Variants in DYRK4 observed in about 807,000 individuals in gnomAD.
DYRK4 encodes dual specificity tyrosine phosphorylation regulated kinase 4.
A neutral mutation model predicts 68.3 loss-of-function variants in DYRK4; 64 were observed. The ratio of observed to expected loss-of-function variants is 0.94; its 90% CI spans 0.77 to 1.15. The LOEUF is 1.15. Ranked by LOEUF, DYRK4 falls within the 50% of genes most tolerant of loss-of-function variation. DYRK4 has a pLI of 0.00. For synonymous variants in DYRK4, 274 were observed against 289.9 expected, an observed-to-expected ratio of 0.95 and a Z score of 0.56; for missense variants, 740 against 764.7, an observed-to-expected ratio of 0.97 and a Z score of 0.38.
intron 2 of DYRK4, among the ~76,000 whole-genome samples, chr12:4,575,322 T>TGTGTGTGTGTGTGTGTGTG (rs71061193): frequency 1.5e-4 from 22 of 151,720 alleles, no homozygotes; most frequent in Non-Finnish European, 2.2e-4. Flanking sequence ...TGTGTGTGTG[T>TGTGTGTGTGTGTGTGTGTG]TTTCGAAACG....
chr12:4,588,155 C>T (rs1039257241), intron 2 of DYRK4, among the ~76,000 whole-genome samples: 1 of 152,114 alleles, frequency 6.6e-6, no homozygotes, highest in African/African-American at 2.4e-5. Flanking sequence ...GAAATCTTGG[C>T]CTCAAGTGAT....
At chr12:4,564,845 T>A (rs1944660882) in intron 1 of DYRK4, among the ~76,000 whole-genome samples, 1 of 152,190 alleles carries the variant, frequency 6.6e-6, no homozygotes, top group South Asian at 2.1e-4. Flanking sequence ...AGGATCACCA[T>A]CTATGTCTCC....
At chr12:4,603,167 G>A (rs962567233) in intron 10 of DYRK4, 23 of 1,301,668 alleles carry the variant, frequency 1.8e-5, no homozygotes, top group South Asian at 4.8e-5. Flanking sequence ...ACTCGGTACC[G>A]AAATGAAGTC....
Position 4,596,632 on chromosome 12 carries a change from C to G in DYRK4, c.808C>G (p.Leu270Val). The G allele has an allele frequency of 1.9e-6, 3 of 1,614,118 alleles. No individual in the cohort carries two copies. The highest frequency in any genetic ancestry group is 2.5e-6 in the Non-Finnish European group (3 of 1,180,018). The part of the protein sequence containing the change: ...ALMELKILEA[L>V]RKKDKDNTYN... ...GATGGAGCTGAAGATCCTGGAAGCTCTCAGAAAGAAGGACAAAGACAACAC... is the reference window on the plus strand; with the variant it reads ...GATGGAGCTGAAGATCCTGGAAGCTGTCAGAAAGAAGGACAAAGACAACAC... Residue 270 changes from leucine to valine, a missense_variant, in exon 8 of 15, where the codon CTC (leucine) becomes GTC (valine). Transcript: ENST00000543431.
intron 11 of DYRK4, 53 bp downstream of exon 11, chr12:4,605,139 A>G (rs981984887): frequency 2.4e-5 from 37 of 1,551,078 alleles, no homozygotes; most frequent in Non-Finnish European, 3.3e-5. Flanking sequence ...CTTGGCCCTC[A>G]GACACGGGGC....
chr12:4,599,491 C>T (rs1565540261), intron 9 of DYRK4: 1 of 573,482 alleles, frequency 1.7e-6, no homozygotes, highest in South Asian at 2.2e-5. Flanking sequence ...AGAAACTGTG[C>T]AAAGCAGTGA....
intron 8 of DYRK4, 190 bp downstream of exon 8, chr12:4,596,919 T>C: frequency 7.0e-7 from 1 of 1,434,076 alleles, no homozygotes; most frequent in Non-Finnish European, 9.1e-7. Context: ...TTGGTATGCC[T>C]GTCACCTGCC....
At chr12:4,612,373 AGTT>A (rs1945232257) in intron 13 of DYRK4, 167 bp from the exon 14 acceptor site, 7 of 610,578 alleles carry the variant, frequency 1.1e-5, no homozygotes, top group Non-Finnish European at 1.9e-5. Context: ...TATTTCCATT[AGTT>A]GTTTCCAGGT....
intron 1 of DYRK4, among the ~76,000 whole-genome samples, chr12:4,566,374 C>A (rs1170268551): frequency 6.6e-6 from 1 of 152,176 alleles, no homozygotes; most frequent in Non-Finnish European, 1.5e-5. Context: ...CTCAAAATTT[C>A]TGGAAAAAAC....
intron 13 of DYRK4, 49 bp from the exon 14 acceptor site, chr12:4,612,493 AT>A (rs773702097): frequency 2.1e-5 from 33 of 1,547,310 alleles, no homozygotes; most frequent in Non-Finnish European, 2.8e-5. Flanking sequence ...GTTTTAATAT[AT>A]TAAAAGGAAA....
At chr12:4,570,398 T>C (rs1484434387) in intron 2 of DYRK4, among the ~76,000 whole-genome samples, 4 of 152,238 alleles carry the variant, frequency 2.6e-5, no homozygotes, top group African/African-American at 9.6e-5. Flanking sequence ...GGGTCTTAAA[T>C]AAATGTCTTT....
At chr12:4,594,167 G>C (rs547943300) in intron 6 of DYRK4, among the ~76,000 whole-genome samples, 118 of 152,294 alleles carry the variant, frequency 7.7e-4, no homozygotes, top group African/African-American at 2.6e-3. Flanking sequence ...TCTCAGAAAA[G>C]ACAACCTGCG....
Position 4,591,272 on chromosome 12 carries a change from A to T in DYRK4, c.437A>T (p.Lys146Met). The T allele has an allele frequency of 6.2e-7, 1 of 1,614,132 alleles. No individual in the cohort carries two copies. The highest frequency in any genetic ancestry group is 8.5e-7 in the Non-Finnish European group (1 of 1,179,992). Residue 146 changes from lysine to methionine, a missense_variant, in exon 5 of 15, where the codon AAG becomes ATG. Around this residue, in one of 3 missense-constraint regions of DYRK4, gnomAD observed 614 missense variants for 603.7 expected, o/e 1.02. Transcript: ENST00000543431. The surrounding 1 kb of genome is among the most constrained non-coding windows in gnomAD (Gnocchi z 4.1). ...DPKAEEKSPK[K>M]QKVTLTAAEA... ...AAGGCAGAGGAGAAGTCACCAAAGA[A>T]GCAAAAGGTGACTCTGACAGCGGCA... is the stretch of plus-strand genomic sequence containing the variant.
Position 4,591,351 on chromosome 12 carries a change from T to C in DYRK4, c.463+53T>C. 1.3e-6 allele frequency: 2 copies of C among 1,597,188 alleles called. No individual in the cohort carries two copies. The highest frequency in any genetic ancestry group is 4.5e-5 in the East Asian group (2 of 44,744). On this transcript the variant is annotated intron_variant, in intron 5 of 14. Coordinates refer to ENST00000543431, the MANE Select transcript of DYRK4 (RefSeq NM_001394779.1). The surrounding 1 kb of genome is among the most constrained non-coding windows in gnomAD (Gnocchi z 4.1). Reference sequence around the variant, plus strand: ...GGGAGGTGCTTATGGAAGGTCGGGGTGTTAAGAGCTAAGCTGCGCTGGAGT... The same window carrying C: ...GGGAGGTGCTTATGGAAGGTCGGGGCGTTAAGAGCTAAGCTGCGCTGGAGT...
At chr12:4,605,807 C>T (rs187395922) in intron 11 of DYRK4, among the ~76,000 whole-genome samples, 177 of 143,742 alleles carry the variant, frequency 1.2e-3, no homozygotes, top group African/African-American at 3.9e-3. Flanking sequence ...CTAGAATGCC[C>T]GGGCTCGGGA....
chr12:4,612,779 C>G, intron 14 of DYRK4, 61 bp downstream of exon 14: 1 of 1,558,990 alleles, frequency 6.4e-7, no homozygotes, highest in Non-Finnish European at 8.8e-7. Flanking sequence ...TTCTAGAATT[C>G]TGTAAATCTC....
chr12:4,594,778 C>CT (rs1944998605), intron 6 of DYRK4, among the ~76,000 whole-genome samples: 1 of 151,260 alleles, frequency 6.6e-6, no homozygotes. Flanking sequence ...AGCTCAGAAT[C>CT]ACCATCCTTA....
chr12:4,612,761 A>C, intron 14 of DYRK4, 43 bp downstream of exon 14: 1 of 1,597,986 alleles, frequency 6.3e-7, no homozygotes, highest in Non-Finnish European at 8.6e-7. Flanking sequence ...ACAGTCCGGG[A>C]ATTAATATTC....
intron 11 of DYRK4, 122 bp downstream of exon 11, chr12:4,605,208 G>A: frequency 1.2e-6 from 1 of 812,704 alleles, no homozygotes. Flanking sequence ...TTGTTGTTGA[G>A]TATTCCCTAA....
Sources: gnomAD v4.1 joint callset for allele counts (sites outside exome capture counted in the v4.1 genomes callset) on GRCh38, gnomAD v4.1.1 for gene constraint, gnomAD v4.1.1 regional missense constraint, Gnocchi (gnomAD v3.1) non-coding constraint, MANE v1.5 for transcripts, NCBI Gene and HGNC (gene_info 2026-07-23, HGNC 2026-07-21) for gene names.